CDK19: variants seen among roughly 807,000 people sequenced by gnomAD.
CDK19 encodes the protein cyclin-dependent kinase 19.
CDK19 carries 20 observed loss-of-function variants against 68.3 expected under a neutral mutation model. That is an observed-to-expected ratio of 0.29 (90% CI 0.21 to 0.43). The LOEUF is 0.43. CDK19 is among the 20% of genes least tolerant of loss of function. CDK19 has a pLI of 1.00. For synonymous variants in CDK19, 221 were observed against 222.8 expected, an observed-to-expected ratio of 0.99 and a Z score of 0.07; for missense variants, 339 against 623.5, an observed-to-expected ratio of 0.54 and a Z score of 4.86.
chr6:110,637,874 TG>T (rs201756733), intron 5 of CDK19, among the ~76,000 whole-genome samples: 4,320 of 152,198 alleles, frequency 0.028, 83 homozygotes, highest in South Asian at 0.083. Flanking sequence ...CCCAGCTACT[TG>T]GGAGACTGAG....
rs756223912 is a variant in CDK19 at position 110,614,513 on chromosome 6, G to T, written c.*22C>A. The T allele has an allele frequency of 4.8e-5, 78 of 1,611,306 alleles. No individual in the cohort carries two copies. The highest frequency in any genetic ancestry group is 6.5e-5 in the Non-Finnish European group (76 of 1,177,956). On this transcript the variant is annotated 3_prime_UTR_variant, in exon 13 of 13. Coordinates refer to ENST00000368911, the MANE Select transcript of CDK19 (RefSeq NM_015076.5). ...TGGAGCCTGTGCTCTGGGCTGGGCT[G>T]GCCTGGCCCAACGGGAGCTGGTCAG...
intron 2 of CDK19, among the ~76,000 whole-genome samples, chr6:110,721,998 T>C (rs77766341): frequency 0.028 from 4,259 of 152,166 alleles, 85 homozygotes; most frequent in South Asian, 0.084. Flanking sequence ...GACACACAAG[T>C]TTATCCTACT....
At chr6:110,814,552 C>T (rs982597796) in intron 1 of CDK19, 1 of 455,978 alleles carries the variant, frequency 2.2e-6, no homozygotes, top group South Asian at 1.6e-5. Context: ...CGACAGGCTC[C>T]CCGGCGAGGT....
intron 2 of CDK19, among the ~76,000 whole-genome samples, chr6:110,671,685 T>A (rs1287110270): frequency 6.6e-6 from 1 of 152,230 alleles, no homozygotes; most frequent in Non-Finnish European, 1.5e-5. Flanking sequence ...CTAAAGTTCA[T>A]GTCTTCAATT....
intron 1 of CDK19, among the ~76,000 whole-genome samples, chr6:110,784,453 G>A (rs1340211911): frequency 1.3e-5 from 2 of 152,086 alleles, no homozygotes; most frequent in Admixed American, 6.6e-5. Flanking sequence ...ACACCCACAA[G>A]GATGACTAAA....
chr6:110,714,075 T>C (rs1440676189), intron 2 of CDK19, among the ~76,000 whole-genome samples: 1 of 152,158 alleles, frequency 6.6e-6, no homozygotes, highest in African/African-American at 2.4e-5. Context: ...AGCATATCCA[T>C]TAAGCAACAA....
chr6:110,789,529 G>A (rs774143066), intron 1 of CDK19, among the ~76,000 whole-genome samples: 7 of 152,110 alleles, frequency 4.6e-5, no homozygotes, highest in South Asian at 2.1e-4. Flanking sequence ...AATCCGCCTC[G>A]GCCTCCCAAA....
At chr6:110,756,193 C>G (rs1336079470) in intron 1 of CDK19, among the ~76,000 whole-genome samples, 2 of 151,990 alleles carry the variant, frequency 1.3e-5, no homozygotes, top group African/African-American at 4.8e-5. Flanking sequence ...AGTTCAAGAC[C>G]AGCCTGGCCA....
intron 4 of CDK19, among the ~76,000 whole-genome samples, chr6:110,648,958 C>G (rs1447654469): frequency 6.6e-6 from 1 of 151,886 alleles, no homozygotes; most frequent in Admixed American, 6.6e-5. Flanking sequence ...ACCTCGTGAT[C>G]CGCTCGGCCT....
intron 2 of CDK19, among the ~76,000 whole-genome samples, chr6:110,725,620 G>A (rs1403231106): frequency 6.6e-6 from 1 of 152,166 alleles, no homozygotes; most frequent in African/African-American, 2.4e-5. Flanking sequence ...CTAATTGGCT[G>A]AGAAATCATC....
chr6:110,617,300 G>A (rs1329048250), intron 12 of CDK19, among the ~76,000 whole-genome samples: 1 of 152,184 alleles, frequency 6.6e-6, no homozygotes, highest in African/African-American at 2.4e-5. Flanking sequence ...TGTAGGTCAT[G>A]AGACTCCTGT....
chr6:110,631,996 T>C (rs921959239), intron 6 of CDK19, 34 bp downstream of exon 6: 7 of 1,568,592 alleles, frequency 4.5e-6, no homozygotes, highest in African/African-American at 1.4e-5. Context: ...GATCGTTAGA[T>C]GACAAGATAG....
chr6:110,619,264 GA>G (rs1389332737), intron 12 of CDK19, among the ~76,000 whole-genome samples: 6 of 152,008 alleles, frequency 3.9e-5, no homozygotes, highest in Non-Finnish European at 8.8e-5. Flanking sequence ...TGAATTTGGG[GA>G]AAAAAAGAAA....
intron 4 of CDK19, among the ~76,000 whole-genome samples, chr6:110,640,644 C>T (rs1236874511): frequency 2.6e-5 from 4 of 152,036 alleles, no homozygotes; most frequent in South Asian, 2.1e-4. Context: ...AAAGAGAAGG[C>T]GACAACATAT....
chr6:110,704,234 T>A (rs1361105090), intron 2 of CDK19, among the ~76,000 whole-genome samples: 1 of 152,194 alleles, frequency 6.6e-6, no homozygotes, highest in Non-Finnish European at 1.5e-5. Context: ...ATTAAAGGAC[T>A]AGTGGAGTAT....
intron 5 of CDK19, among the ~76,000 whole-genome samples, chr6:110,635,316 T>A (rs959554904): frequency 2.0e-5 from 3 of 152,216 alleles, no homozygotes; most frequent in Non-Finnish European, 2.9e-5. Flanking sequence ...TTTATTATGT[T>A]ATCTGGAACA....
At chr6:110,679,619 T>C (rs1353315874) in intron 2 of CDK19, among the ~76,000 whole-genome samples, 1 of 152,032 alleles carries the variant, frequency 6.6e-6, no homozygotes, top group African/African-American at 2.4e-5. Context: ...TCTAAAAACA[T>C]AAAAAATTTT....
In CDK19 at chr6:110,621,185, G is replaced by T; in HGVS notation, c.1296C>A (p.Asn432Lys). 6.2e-7 allele frequency: 1 copy of T among 1,614,096 alleles called. No individual in the cohort carries two copies. Among genetic ancestry groups the T allele is most frequent in the Non-Finnish European group, 8.5e-7 (1 of 1,180,032 alleles). The change falls in exon 12 of 13, where the codon AAC (asparagine) becomes AAA (lysine). Residue 432 changes from asparagine to lysine, a missense_variant. Asn to Lys is a moderately conservative substitution (Grantham distance 94, BLOSUM62 0). This residue lies in a region of CDK19 where 155 missense variants were observed against 222.7 expected (regional missense o/e 0.70). Transcript: ENST00000368911. This position sits in a 1 kb window ranked among gnomAD's most constrained non-coding sequence, Gnocchi z 5.4. ...GLQHSQDSSL[N>K]QVPPNKKPRL... ...GTGGCTTCTTGTTTGGAGGCACCTG[G>T]TTCAGGCTGGAGTCCTGGCTGTGCT...
At chr6:110,768,358 T>A (rs1412758450) in intron 1 of CDK19, among the ~76,000 whole-genome samples, 1 of 152,210 alleles carries the variant, frequency 6.6e-6, no homozygotes, top group Non-Finnish European at 1.5e-5. Context: ...AACATGTTCA[T>A]GCCATGTGAT....
Sources: gnomAD v4.1 joint callset for allele counts (sites outside exome capture counted in the v4.1 genomes callset) on GRCh38, gnomAD v4.1.1 for gene constraint, gnomAD v4.1.1 regional missense constraint, Gnocchi (gnomAD v3.1) non-coding constraint, MANE v1.5 for transcripts, NCBI Gene and HGNC (gene_info 2026-07-23, HGNC 2026-07-21) for gene names.